The following DTD1 variants were observed in gnomAD, a reference collection of about 807,000 sequenced individuals.
The protein encoded by DTD1 is D-aminoacyl-tRNA deacylase 1.
Under a neutral mutation model 25.6 loss-of-function variants are expected in DTD1, and 13 were observed. That is an observed-to-expected ratio of 0.51 (90% confidence interval 0.33 to 0.81). The LOEUF (loss-of-function observed/expected upper bound fraction) is 0.81. Ranked by LOEUF, DTD1 falls within the 30% of genes least tolerant of loss-of-function variation. DTD1 has a pLI of 0.02. For synonymous variants in DTD1, 110 were observed against 103.6 expected (o/e 1.06, Z -0.37); for missense variants, 193 against 266.4 (o/e 0.72, Z 1.92).
chr20:18,631,787 C>G (rs1188674908), intron 4 of DTD1: 3 of 984,984 alleles, frequency 3.0e-6, no homozygotes, highest in Middle Eastern at 5.2e-4. Context: ...AGTTATTATT[C>G]TGCTTTAACT....
At position 18,693,982 on chromosome 20, in the gene DTD1, T is replaced by C. The variant is rs537609325; in HGVS notation, c.478-50118T>C. Among the ~76,000 whole-genome samples the C allele has an allele frequency of 2.5e-4, 38 of 152,362 alleles. 1 individual carries two copies. The South Asian group carries it at 7.7e-3, about 31-fold the overall frequency. On this transcript the variant is annotated intron_variant, in intron 4 of 5. Coordinates refer to ENST00000377452, the MANE Select transcript of DTD1 (RefSeq NM_080820.6). ...GTTTCAAGTGCTCAGTAGCCTTGTG[T>C]GTCTAGTGACTACTGTATTGCACAG...
chr20:18,645,953 T>C (rs949316132), intron 4 of DTD1, among the ~76,000 whole-genome samples: 18 of 152,218 alleles, frequency 1.2e-4, no homozygotes, highest in African/African-American at 4.1e-4. Context: ...ATTCCGAGGG[T>C]ATTTTTTCCT....
At chr20:18,679,655 G>A (rs2060989132) in intron 4 of DTD1, among the ~76,000 whole-genome samples, 2 of 133,748 alleles carry the variant, frequency 1.5e-5, no homozygotes, top group Non-Finnish European at 3.4e-5. Context: ...TTTGAGGTGG[G>A]TGAGGGCTGG....
intron 4 of DTD1, among the ~76,000 whole-genome samples, chr20:18,732,956 G>A (rs1012987295): frequency 3.3e-5 from 5 of 152,154 alleles, no homozygotes; most frequent in East Asian, 3.9e-4. Flanking sequence ...TACACATAAC[G>A]AATTCTCATG....
At chr20:18,746,075 T>C (rs1267870108) in intron 5 of DTD1, among the ~76,000 whole-genome samples, 1 of 151,954 alleles carries the variant, frequency 6.6e-6, no homozygotes, top group African/African-American at 2.4e-5. Context: ...TCCAGAAGGA[T>C]GAGGGAGGAA....
intron 4 of DTD1, among the ~76,000 whole-genome samples, chr20:18,658,381 A>G (rs1267891728): frequency 6.6e-6 from 1 of 151,038 alleles, no homozygotes; most frequent in Non-Finnish European, 1.5e-5. Flanking sequence ...GCTGGAGTGC[A>G]GTGGCGCCAT....
At chr20:18,667,420 C>T (rs1162004854) in intron 4 of DTD1, among the ~76,000 whole-genome samples, 2 of 152,128 alleles carry the variant, frequency 1.3e-5, no homozygotes, top group African/African-American at 4.8e-5. Context: ...CTTTCCAGAG[C>T]TGAAAGATCG....
intron 3 of DTD1, among the ~76,000 whole-genome samples, chr20:18,603,580 G>C (rs2060645019): frequency 1.0e-5 from 1 of 98,196 alleles, no homozygotes; most frequent in Non-Finnish European, 2.2e-5. Context: ...CTATCTCTCA[G>C]ACCACAGTGC....
chr20:18,593,893 A>T, intron 2 of DTD1, 72 bp downstream of exon 2: 2 of 1,223,166 alleles, frequency 1.6e-6, no homozygotes, highest in Non-Finnish European at 2.4e-6. Flanking sequence ...CTTCCATAGT[A>T]CTTTGTGCCT....
intron 4 of DTD1, among the ~76,000 whole-genome samples, chr20:18,689,076 G>A (rs2061030886): frequency 1.3e-5 from 2 of 152,304 alleles, no homozygotes; most frequent in South Asian, 4.1e-4. Context: ...AAAGTTTAAT[G>A]CGTGGACCGT....
chr20:18,595,460 G>A (rs2060607098), intron 2 of DTD1, among the ~76,000 whole-genome samples: 1 of 151,954 alleles, frequency 6.6e-6, no homozygotes, highest in Non-Finnish European at 1.5e-5. Context: ...AGTAGAGATG[G>A]GGTTTCTCTA....
At chr20:18,628,988 ATTTTTTTTTTTTTT>A (rs10594706) in intron 4 of DTD1, among the ~76,000 whole-genome samples, 1 of 71,536 alleles carries the variant, frequency 1.4e-5, no homozygotes, top group Non-Finnish European at 2.6e-5. Flanking sequence ...TCAAAGCCTG[ATTTTTTTTTTTTTT>A]TTTTTTTTTT....
At chr20:18,726,159 G>C (rs1028045408) in intron 4 of DTD1, among the ~76,000 whole-genome samples, 4 of 152,160 alleles carry the variant, frequency 2.6e-5, no homozygotes, top group African/African-American at 9.7e-5. Flanking sequence ...GGGTGGAGTG[G>C]AGTCGCCTCT....
intron 3 of DTD1, among the ~76,000 whole-genome samples, chr20:18,612,324 G>A (rs1309515983): frequency 6.6e-6 from 1 of 152,084 alleles, no homozygotes; most frequent in Non-Finnish European, 1.5e-5. Flanking sequence ...GTGAGCCACC[G>A]CGCCTGGCCC....
chr20:18,719,225 G>A (rs1239305230), intron 4 of DTD1, among the ~76,000 whole-genome samples: 1 of 148,236 alleles, frequency 6.7e-6, no homozygotes, highest in Non-Finnish European at 1.5e-5. Context: ...GTATATTTCT[G>A]TGTGTGTGTG....
At chr20:18,730,296 C>G (rs529159506) in intron 4 of DTD1, among the ~76,000 whole-genome samples, 46 of 152,274 alleles carry the variant, frequency 3.0e-4, no homozygotes, top group African/African-American at 9.1e-4. Flanking sequence ...TGCTTAACAA[C>G]CAGTTATTTT....
intron 4 of DTD1, among the ~76,000 whole-genome samples, chr20:18,672,540 A>T (rs1282600863): frequency 1.3e-5 from 2 of 152,114 alleles, no homozygotes; most frequent in African/African-American, 4.8e-5. Context: ...GTCAAACTAT[A>T]TTTCCCAAAT....
chr20:18,699,782 G>C (rs372609512), intron 4 of DTD1, among the ~76,000 whole-genome samples: 2 of 152,124 alleles, frequency 1.3e-5, no homozygotes, highest in Non-Finnish European at 2.9e-5. Flanking sequence ...GTGTGTGTAC[G>C]TGTGTGTACA....
At chr20:18,649,948 C>T (rs2060867592) in intron 4 of DTD1, among the ~76,000 whole-genome samples, 1 of 152,248 alleles carries the variant, frequency 6.6e-6, no homozygotes, top group South Asian at 2.1e-4. Flanking sequence ...TGCAGTGGCT[C>T]ACGCCTGTAA....
Sources: allele counts gnomAD v4.1 joint callset (sites outside exome capture counted in the v4.1 genomes callset), GRCh38; gene constraint gnomAD v4.1.1; transcripts MANE v1.5; gene names NCBI Gene and HGNC (gene_info 2026-07-23, HGNC 2026-07-21).